OSBPL8: variants seen among roughly 807,000 people sequenced by gnomAD.
OSBPL8 encodes the protein oxysterol binding protein like 8.
A neutral mutation model predicts 125.5 loss-of-function variants in OSBPL8; 59 were observed. That is an observed-to-expected ratio of 0.47 (90% confidence interval 0.38 to 0.58). The LOEUF is 0.58. OSBPL8 is among the 20% of genes least tolerant of loss of function. The pLI is 0.00. For synonymous variants in OSBPL8, 330 were observed against 338.9 expected (o/e 0.97, Z 0.29); for missense variants, 758 against 1,047.8 (o/e 0.72, Z 3.82).
intron 1 of OSBPL8, among the ~76,000 whole-genome samples, chr12:76,497,712 G>C (rs1164586437): frequency 1.3e-5 from 2 of 152,102 alleles, no homozygotes; most frequent in African/African-American, 4.8e-5. Flanking sequence ...GCTTATGTAA[G>C]GGCTTAAGTG....
At position 76,526,714 on chromosome 12, in the gene OSBPL8, G is replaced by A. The variant is rs1236520484; in HGVS notation, c.-68+32683C>T. On this transcript the variant is annotated intron_variant, in intron 1 of 23. Coordinates refer to ENST00000261183, the MANE Select transcript of OSBPL8 (RefSeq NM_020841.5). ...CACCTGGGCTGGAGTGCAATGGTGC[G>A]ATCTCGGCTCACCACAACCTCCGCC... Among the ~76,000 whole-genome samples the A allele has an allele frequency of 7.0e-5, 9 of 128,222 alleles. 1 individual carries two copies. Among genetic ancestry groups the A allele is most frequent in the Non-Finnish European group, 7.8e-5 (5 of 64,354 alleles). 84.1% of individuals were successfully genotyped at this position (128,222 alleles called of 152,430 possible).
intron 21 of OSBPL8, among the ~76,000 whole-genome samples, chr12:76,359,738 G>C (rs562260830): frequency 7.0e-4 from 107 of 152,304 alleles, no homozygotes; most frequent in Admixed American, 2.7e-3. Flanking sequence ...AGATGCAAAA[G>C]TGGAAACCTC....
At chr12:76,431,708 C>T (rs1026827396) in intron 4 of OSBPL8, among the ~76,000 whole-genome samples, 4 of 152,148 alleles carry the variant, frequency 2.6e-5, no homozygotes, top group Non-Finnish European at 5.9e-5. Context: ...AGAACAACTA[C>T]ACATATATAT....
intron 4 of OSBPL8, among the ~76,000 whole-genome samples, chr12:76,432,767 C>G (rs1466150586): frequency 6.6e-6 from 1 of 151,948 alleles, no homozygotes; most frequent in African/African-American, 2.4e-5. Context: ...AATCAACAAA[C>G]TCTTAGCTAG....
chr12:76,409,687 T>C (rs899590478), intron 5 of OSBPL8, among the ~76,000 whole-genome samples: 4 of 152,166 alleles, frequency 2.6e-5, no homozygotes, highest in African/African-American at 4.8e-5. Flanking sequence ...ACTAATATGA[T>C]AGATGAACTT....
At chr12:76,552,430 A>C (rs1159609580) in intron 1 of OSBPL8, among the ~76,000 whole-genome samples, 14 of 5,678 alleles carry the variant, frequency 2.5e-3, no homozygotes, top group Middle Eastern at 0.1. Context: ...CATGTCTCCA[A>C]AAAAAAAAAA....
At chr12:76,524,003 T>C (rs938215850) in intron 1 of OSBPL8, among the ~76,000 whole-genome samples, 1 of 152,210 alleles carries the variant, frequency 6.6e-6, no homozygotes, top group Non-Finnish European at 1.5e-5. Context: ...GAGATTATGA[T>C]ACGTTAACTT....
chr12:76,499,834 C>A (rs1179421060), intron 1 of OSBPL8, among the ~76,000 whole-genome samples: 2 of 147,270 alleles, frequency 1.4e-5, no homozygotes, highest in Non-Finnish European at 3.0e-5. Flanking sequence ...GCCTGGGTGG[C>A]AAAGCGAGAC....
At chr12:76,409,427 A>G (rs1954418603) in intron 5 of OSBPL8, among the ~76,000 whole-genome samples, 1 of 152,180 alleles carries the variant, frequency 6.6e-6, no homozygotes, top group African/African-American at 2.4e-5. Context: ...TCATCAAACC[A>G]AAGCATATAA....
At chr12:76,488,583 C>A (rs1438586827) in intron 1 of OSBPL8, among the ~76,000 whole-genome samples, 1 of 152,086 alleles carries the variant, frequency 6.6e-6, no homozygotes, top group Non-Finnish European at 1.5e-5. Flanking sequence ...AGTATCTGTT[C>A]AGCAATCTGT....
At chr12:76,386,984 T>C (rs892513079) in intron 12 of OSBPL8, among the ~76,000 whole-genome samples, 3 of 152,156 alleles carry the variant, frequency 2.0e-5, no homozygotes, top group South Asian at 2.1e-4. Context: ...TCTGTGAAAA[T>C]TGTGATTGAA....
Position 76,394,727 on chromosome 12 carries a change from A to G in OSBPL8, c.675T>C (p.Gly225=). The G allele has an allele frequency of 6.2e-7, 1 of 1,606,030 alleles. No individual in the cohort carries two copies. Among genetic ancestry groups the G allele is most frequent in the Admixed American group, 1.7e-5 (1 of 58,022 alleles). Residue 225 remains glycine (G), a splice_region_variant and synonymous_variant, in exon 9 of 24, where the codon GGT becomes GGC. Transcript: ENST00000261183. ...PLEQSIWAVK[G]PKGEAVGSIT... The stretch of plus-strand genomic sequence containing the variant: ...TGGATCCAACCGCTTCACCTTTTGG[A>G]CCCTTAATAACAAAATAAACAAAAT...
chr12:76,397,657 T>C (rs760683349), intron 8 of OSBPL8, 37 bp downstream of exon 8: 2 of 1,574,632 alleles, frequency 1.3e-6, no homozygotes, highest in Non-Finnish European at 1.7e-6. Flanking sequence ...TGGATTATCA[T>C]CTTTACCTTT....
chr12:76,393,737 T>C (rs1239569802), intron 9 of OSBPL8, among the ~76,000 whole-genome samples: 1 of 47,828 alleles, frequency 2.1e-5, no homozygotes, highest in Non-Finnish European at 4.6e-5. Context: ...AAAAAAAAAA[T>C]CTGAGGCCAG....
Position 76,446,519 on chromosome 12 carries a change from T to A in OSBPL8, c.217+4332A>T, listed in dbSNP as rs1592697023. Among the ~76,000 whole-genome samples the A allele has an allele frequency of 2.0e-5, 3 of 152,278 alleles. No individual in the cohort carries two copies. In the South Asian group the frequency reaches 6.2e-4, roughly 32 times the overall value. ...GAACATTTAAGTGCAAATAAAGATA[T>A]GACTAACACCGTGGCTGCTTTAAAT... is the stretch of plus-strand genomic sequence containing the variant. On this transcript the variant is annotated intron_variant, in intron 4 of 23. Transcript: ENST00000261183.
At chr12:76,517,325 A>T (rs1361268684) in intron 1 of OSBPL8, among the ~76,000 whole-genome samples, 2 of 152,168 alleles carry the variant, frequency 1.3e-5, no homozygotes, top group East Asian at 3.9e-4. Context: ...AATTTCAGAC[A>T]AGGTCCTGAA....
intron 1 of OSBPL8, among the ~76,000 whole-genome samples, chr12:76,489,258 T>C (rs1251164205): frequency 6.6e-6 from 1 of 152,224 alleles, no homozygotes; most frequent in Non-Finnish European, 1.5e-5. Flanking sequence ...CCAAAAGATC[T>C]AGCTAAGATC....
intron 2 of OSBPL8, among the ~76,000 whole-genome samples, chr12:76,468,567 G>C (rs2136898568): frequency 6.6e-6 from 1 of 152,310 alleles, no homozygotes; most frequent in African/African-American, 2.4e-5. Context: ...AACTAGAACA[G>C]AGCTTTGCGC....
chr12:76,385,822 C>G (rs897023626), intron 14 of OSBPL8, among the ~76,000 whole-genome samples: 2 of 151,386 alleles, frequency 1.3e-5, no homozygotes, highest in African/African-American at 4.9e-5. Context: ...ACTTTGAATG[C>G]CAGACAAATG....
Sources: gnomAD v4.1 joint callset for allele counts (sites outside exome capture counted in the v4.1 genomes callset) on GRCh38, gnomAD v4.1.1 for gene constraint, MANE v1.5 for transcripts, NCBI Gene and HGNC (gene_info 2026-07-23, HGNC 2026-07-21) for gene names.